Variants in AGO1 observed in about 807,000 individuals in gnomAD.
The protein encoded by AGO1 is protein argonaute-1.
AGO1 carries 11 observed loss-of-function variants against 109.2 expected under a neutral mutation model. The observed-to-expected ratio is 0.10, with a 90% CI of 0.06 to 0.17. AGO1 has a LOEUF of 0.17. Ranked by LOEUF, AGO1 falls within the 10% of genes least tolerant of loss-of-function variation. AGO1 has a pLI of 1.00. For missense variants in AGO1, 574 were observed against 1,140.3 expected (o/e 0.50, Z 7.15); for synonymous variants, 422 against 418.6 (o/e 1.01, Z -0.10).
intron 2 of AGO1, among the ~76,000 whole-genome samples, chr1:35,891,827 A>T (rs1379160640): frequency 1.3e-5 from 2 of 151,738 alleles, no homozygotes; most frequent in Non-Finnish European, 2.9e-5. Flanking sequence ...GGCCTCCCAA[A>T]GTGCTGGGAT....
upstream of AGO1, chr1:35,882,952 A>G: frequency 1.0e-6 from 1 of 970,446 alleles, no homozygotes; most frequent in Non-Finnish European, 1.2e-6. The surrounding 1 kb of genome is among the most constrained non-coding windows in gnomAD (Gnocchi z 5.1). Flanking sequence ...GGAGGGACCT[A>G]TTTGGGGAAA....
intron 8 of AGO1, among the ~76,000 whole-genome samples, chr1:35,895,727 A>G (rs577417919): frequency 6.6e-6 from 1 of 152,340 alleles, no homozygotes; most frequent in East Asian, 1.9e-4. Context: ...CAAGATTGTC[A>G]TACTTTTATA....
rs575056563 is a variant in AGO1, at chr1:35,924,235, G to T, written c.*4628G>T. ...GTTCCTTCTGAAGCAAGCAACATCAGCAGCAGCAGCAGCAGCAGCACAATT... is the reference window on the plus strand; with the variant it reads ...GTTCCTTCTGAAGCAAGCAACATCATCAGCAGCAGCAGCAGCAGCACAATT... On this transcript the variant is annotated 3_prime_UTR_variant, in exon 19 of 19. Transcript: ENST00000373204. The T allele has an allele frequency of 2.1e-3, 315 of 153,348 alleles. No individual in the cohort carries two copies. Among genetic ancestry groups the T allele is most frequent in the Non-Finnish European group, 3.5e-3 (236 of 68,178 alleles). 9.5% of individuals were successfully genotyped at this position (153,348 alleles called of 1,614,324 possible).
upstream of AGO1, among the ~76,000 whole-genome samples, chr1:35,881,528 G>T (rs1481297670): frequency 6.6e-6 from 1 of 152,098 alleles, no homozygotes; most frequent in African/African-American, 2.4e-5. Flanking sequence ...CACTATGTTG[G>T]CTAGGCTGGT....
chr1:35,910,910 C>A (rs1352590971), intron 12 of AGO1, among the ~76,000 whole-genome samples: 1 of 151,944 alleles, frequency 6.6e-6, no homozygotes, highest in Non-Finnish European at 1.5e-5. Flanking sequence ...ACTAAAAATA[C>A]AAAAAATTAG....
At position 35,907,052 on chromosome 1, in the gene AGO1, T is replaced by C. The variant is rs749967453; in HGVS notation, c.1515T>C (p.His505=). ...GADSVEPMFR[H]LKNTYSGLQL... Reference sequence around the variant, plus strand: ...ACAGCGTGGAGCCTATGTTCCGGCATCTCAAGAACACCTACTCAGGGCTGC... The same window carrying C: ...ACAGCGTGGAGCCTATGTTCCGGCACCTCAAGAACACCTACTCAGGGCTGC... Residue 505 remains histidine (H), a synonymous_variant, in exon 12 of 19, where the codon CAT becomes CAC. Coordinates refer to ENST00000373204, the MANE Select transcript of AGO1 (RefSeq NM_012199.5). 1.9e-6 allele frequency: 3 copies of C among 1,614,098 alleles called. No homozygotes were observed. The South Asian group carries it at 3.3e-5, about 18-fold the overall frequency.
rs1438311565 is a variant in AGO1, at chr1:35,927,997, T to C, written c.*8390T>C. 1 of 152,234 alleles carries C rather than the reference T, an allele frequency of 6.6e-6. No individual in the cohort carries two copies. Among genetic ancestry groups the C allele is most frequent in the Non-Finnish European group, 1.5e-5 (1 of 68,064 alleles). The allele number at this position is 152,234 out of a possible 1,614,324, so 9.4% of individuals were successfully genotyped here. A position where few individuals can be genotyped will look rare whatever the true frequency, so the allele number is the denominator to read the frequency against. On this transcript the variant is annotated 3_prime_UTR_variant, in exon 19 of 19. Coordinates refer to ENST00000373204, the MANE Select transcript of AGO1 (RefSeq NM_012199.5). ...CCCATGTGAGAGGATTGTACTCAGTTGCTCTCCTCATCCAGTGATGTTTCT... is the reference window on the plus strand; with the variant it reads ...CCCATGTGAGAGGATTGTACTCAGTCGCTCTCCTCATCCAGTGATGTTTCT...
Position 35,893,981 on chromosome 1 carries a change from C to G in AGO1, c.650-56C>G. 1 of 1,523,728 alleles carries G rather than the reference C, an allele frequency of 6.6e-7. No individual in the cohort carries two copies. The highest frequency in any genetic ancestry group is 8.8e-7 in the Non-Finnish European group (1 of 1,134,602). The allele number at this position is 1,523,728 out of a possible 1,614,324, so 94.4% of individuals were successfully genotyped here. On this transcript the variant is annotated intron_variant, in intron 5 of 18. Transcript: ENST00000373204. This position sits in a 1 kb window ranked among gnomAD's most constrained non-coding sequence, Gnocchi z 5.6. ...GAAGAGGGTATAAATTGCTGTGCCT[C>G]CATGTATTGTGGAAGACAGAACCTG... is the stretch of plus-strand genomic sequence containing the variant.
At chr1:35,891,409 A>G (rs887653370) in intron 2 of AGO1, among the ~76,000 whole-genome samples, 1 of 152,162 alleles carries the variant, frequency 6.6e-6, no homozygotes, top group African/African-American at 2.4e-5. Context: ...GATGGAAGAG[A>G]TGAGATTTTT....
At position 35,917,634 on chromosome 1, in the gene AGO1, C is replaced by T. The variant is rs1209966112; in HGVS notation, c.2070C>T (p.Ile690=). The T allele has an allele frequency of 2.5e-6, 4 of 1,613,790 alleles. No homozygotes were observed. The South Asian group carries it at 4.4e-5, about 18-fold the overall frequency. ...TACTGGCCATTCGTGATGCCTGCATCAAACTGGAAAAGGACTACCAGCCTG... is the reference window on the plus strand; with the variant it reads ...TACTGGCCATTCGTGATGCCTGCATTAAACTGGAAAAGGACTACCAGCCTG... ...YELLAIRDAC[I]KLEKDYQPGI... is the part of the protein sequence containing the mutation. Residue 690 remains isoleucine (I), a synonymous_variant, in exon 16 of 19, where the codon ATC becomes ATT. Coordinates refer to ENST00000373204, the MANE Select transcript of AGO1 (RefSeq NM_012199.5).
In AGO1 at chr1:35,907,086, A is replaced by C; in HGVS notation, c.1549A>C (p.Ile517Leu). The C allele has an allele frequency of 6.2e-7, 1 of 1,613,870 alleles. No homozygotes were observed. The part of the protein sequence containing the change: ...KNTYSGLQLI[I>L]VILPGKTPVY... ...CACCTACTCAGGGCTGCAGCTCATT[A>C]TTGTCATCCTGCCAGGGAAGACGCC... Residue 517 changes from isoleucine to leucine, a missense_variant, in exon 12 of 19, where the codon ATT becomes CTT. Physicochemically the swap from Ile to Leu is conservative, Grantham distance 5. Around this residue, in one of 8 missense-constraint regions of AGO1, gnomAD observed 68 missense variants for 200.2 expected, o/e 0.34. Coordinates refer to ENST00000373204, the MANE Select transcript of AGO1 (RefSeq NM_012199.5).
chr1:35,906,357 G>C (rs558913519), intron 11 of AGO1, among the ~76,000 whole-genome samples: 30 of 152,288 alleles, frequency 2.0e-4, no homozygotes, highest in Admixed American at 3.3e-4. Flanking sequence ...CTGCTTGAGC[G>C]GGGCAAGGTG....
At chr1:35,913,727 T>A in intron 12 of AGO1, 115 bp from the exon 13 acceptor site, 1 of 1,081,856 alleles carries the variant, frequency 9.2e-7, no homozygotes, top group Non-Finnish European at 1.3e-6. Flanking sequence ...AGTAAGGACC[T>A]TATGTGTTTC....
chr1:35,875,816 G>T (rs1469327758), intron 1 of AGO1, among the ~76,000 whole-genome samples: 1 of 152,204 alleles, frequency 6.6e-6, no homozygotes, highest in Non-Finnish European at 1.5e-5. Context: ...TCACCCAAGA[G>T]CTCTGATGGA....
At chr1:35,917,841 T>TG in intron 16 of AGO1, 114 bp downstream of exon 16, 1 of 1,436,026 alleles carries the variant, frequency 7.0e-7, no homozygotes, top group Non-Finnish European at 9.4e-7. Context: ...CTATCCTCCC[T>TG]GGCCCCTTCC....
At chr1:35,907,458 A>C (rs1645544501) in intron 12 of AGO1, among the ~76,000 whole-genome samples, 1 of 152,110 alleles carries the variant, frequency 6.6e-6, no homozygotes, top group South Asian at 2.1e-4. Flanking sequence ...TTATCTGAAC[A>C]TCGTGCAGCA....
chr1:35,926,898 G>A lies in AGO1; in HGVS notation c.*7291G>A, dbSNP rs1645939126. On this transcript the variant is annotated 3_prime_UTR_variant, in exon 19 of 19. Transcript: ENST00000373204. ...ATACTGTGTCCTGTTGTTCTGGACT[G>A]TAGCATCTTCACCACCATCCTCTTG... 1 of 150,256 alleles carries A rather than the reference G, an allele frequency of 6.7e-6. No homozygotes were observed. Among genetic ancestry groups the A allele is most frequent in the Non-Finnish European group, 1.5e-5 (1 of 67,816 alleles). 9.3% of individuals were successfully genotyped at this position (150,256 alleles called of 1,614,324 possible).
Position 35,922,527 on chromosome 1 carries a change from C to T in AGO1, c.*2920C>T, listed in dbSNP as rs1426622329. ...TCCCTTTGTACCACTGTTTTGCCTT[C>T]CTTTTCCTCTTCTCTCTTTGCCTGG... On this transcript the variant is annotated 3_prime_UTR_variant, in exon 19 of 19. Transcript: ENST00000373204. 2.0e-5 allele frequency: 3 copies of T among 152,648 alleles called. No homozygotes were observed. The highest frequency in any genetic ancestry group is 4.4e-5 in the Non-Finnish European group (3 of 68,368). 9.5% of individuals were successfully genotyped at this position (152,648 alleles called of 1,614,324 possible). A position where few individuals can be genotyped will look rare whatever the true frequency, so the allele number is the denominator to read the frequency against.
chr1:35,895,152 T>G lies in AGO1; in HGVS notation c.903T>G (p.Thr301=), dbSNP rs372979737. 2 of 1,613,182 alleles carry G rather than the reference T, an allele frequency of 1.2e-6. No individual in the cohort carries two copies. The highest frequency in any genetic ancestry group is 2.7e-5 in the African/African-American group (2 of 74,916). The change falls in exon 8 of 19, where the codon ACT becomes ACG. Residue 301 remains threonine (T), a synonymous_variant. Transcript: ENST00000373204. ...CCTTACAGCTGGAGAGTGGACAGAC[T>G]GTGGAGTGCACAGTGGCACAGTATT... ...TFPLQLESGQ[T]VECTVAQYFK...
Sources: allele counts gnomAD v4.1 joint callset (sites outside exome capture counted in the v4.1 genomes callset), GRCh38; gene constraint gnomAD v4.1.1; regional missense constraint gnomAD v4.1.1; non-coding constraint Gnocchi (gnomAD v3.1); transcripts MANE v1.5; gene names NCBI Gene and HGNC (gene_info 2026-07-23, HGNC 2026-07-21).